Variants in NPAS2 observed in about 807,000 individuals in gnomAD.
The protein encoded by NPAS2 is neuronal PAS domain-containing protein 2.
NPAS2 carries 23 observed loss-of-function variants against 107.5 expected under a neutral mutation model. That is an observed-to-expected ratio of 0.21 (90% CI 0.15 to 0.30). The LOEUF (loss-of-function observed/expected upper bound fraction) is 0.30, where lower values mean the gene tolerates loss of function less well. Among genes scored for constraint, NPAS2 ranks in the 10% least tolerant of loss-of-function variants. The pLI is 1.00. For synonymous variants in NPAS2, 403 were observed against 417.5 expected (o/e 0.97, Z 0.42); for missense variants, 756 against 1,043.3 (o/e 0.72, Z 3.79).
intron 1 of NPAS2, among the ~76,000 whole-genome samples, chr2:100,864,937 T>TC (rs1447252446): frequency 2.0e-5 from 3 of 152,204 alleles, no homozygotes; most frequent in Admixed American, 1.3e-4. Flanking sequence ...TAACTACGTT[T>TC]CCCCAAACAG....
At chr2:100,875,557 G>A (rs1381184600) in intron 1 of NPAS2, among the ~76,000 whole-genome samples, 1 of 151,916 alleles carries the variant, frequency 6.6e-6, no homozygotes, top group East Asian at 1.9e-4. Context: ...GTTGGCATGA[G>A]ACAGTCGCTT....
At chr2:100,974,642 T>C (rs1279877318) in intron 12 of NPAS2, among the ~76,000 whole-genome samples, 161 bp from the exon 13 acceptor site, 3 of 152,244 alleles carry the variant, frequency 2.0e-5, no homozygotes, top group South Asian at 2.1e-4. Context: ...GTTACGTATA[T>C]GTATATACTC....
At chr2:100,876,102 G>A (rs1679950161) in intron 1 of NPAS2, among the ~76,000 whole-genome samples, 1 of 152,084 alleles carries the variant, frequency 6.6e-6, no homozygotes, top group South Asian at 2.1e-4. Context: ...GAGTAAATGA[G>A]AGCAGGCCTT....
chr2:100,909,202 T>C (rs1621293), intron 2 of NPAS2, among the ~76,000 whole-genome samples: 131,939 of 152,276 alleles, frequency 0.87, 57,304 homozygotes, highest in East Asian at 1. Context: ...CAAGTGGATG[T>C]TACAGATGAG....
chr2:100,847,555 A>G (rs1677856774), intron 1 of NPAS2, among the ~76,000 whole-genome samples: 1 of 152,168 alleles, frequency 6.6e-6, no homozygotes, highest in Admixed American at 6.5e-5. Flanking sequence ...TATTTTTAGT[A>G]GAGACGGGGT....
chr2:100,974,636 C>T (rs1049979541), intron 12 of NPAS2, among the ~76,000 whole-genome samples, 167 bp from the exon 13 acceptor site: 2 of 152,222 alleles, frequency 1.3e-5, no homozygotes, highest in Non-Finnish European at 2.9e-5. Context: ...CTTTAGGTTA[C>T]GTATATGTAT....
At chr2:100,987,081 C>G (rs568188941) in intron 16 of NPAS2, 3 of 152,218 alleles carry the variant, frequency 2.0e-5, no homozygotes, top group African/African-American at 7.2e-5. Context: ...GGATTACAGG[C>G]GTGCGCCACC....
chr2:100,937,913 G>C, intron 5 of NPAS2, 71 bp downstream of exon 5: 1 of 1,207,674 alleles, frequency 8.3e-7, no homozygotes, highest in Non-Finnish European at 1.2e-6. Context: ...TTAGATCTCA[G>C]ATGGAAGGTG....
chr2:100,854,415 G>A (rs917836126), intron 1 of NPAS2, among the ~76,000 whole-genome samples: 1 of 152,168 alleles, frequency 6.6e-6, no homozygotes, highest in East Asian at 1.9e-4. Flanking sequence ...GGGCCTCAGG[G>A]CATGGAACTA....
intron 1 of NPAS2, among the ~76,000 whole-genome samples, chr2:100,837,912 G>A (rs1677166153): frequency 6.6e-6 from 1 of 152,132 alleles, no homozygotes; most frequent in Non-Finnish European, 1.5e-5. Context: ...AGGTCAGGAA[G>A]CCAGCACCAT....
chr2:100,933,832 G>C (rs1684138991), intron 4 of NPAS2, among the ~76,000 whole-genome samples: 1 of 152,194 alleles, frequency 6.6e-6, no homozygotes, highest in Non-Finnish European at 1.5e-5. Context: ...AGGCAAACTG[G>C]GACAGATGAG....
At chr2:100,850,953 CAAAAAAAAA>C (rs148858541) in intron 1 of NPAS2, among the ~76,000 whole-genome samples, 8 of 41,866 alleles carry the variant, frequency 1.9e-4, no homozygotes, top group Non-Finnish European at 2.3e-4. Flanking sequence ...AACTCTGTCT[CAAAAAAAAA>C]AAAAAAAAAA....
chr2:100,912,372 C>T (rs1199954081), intron 2 of NPAS2, among the ~76,000 whole-genome samples: 1 of 152,086 alleles, frequency 6.6e-6, no homozygotes, highest in Non-Finnish European at 1.5e-5. Flanking sequence ...TAAGATATGC[C>T]AGAATTCCCC....
chr2:100,845,450 C>T (rs920651389), intron 1 of NPAS2, among the ~76,000 whole-genome samples: 8 of 152,134 alleles, frequency 5.3e-5, no homozygotes, highest in Non-Finnish European at 8.8e-5. Flanking sequence ...TCTCTCAGTG[C>T]CAATGTAGCA....
intron 1 of NPAS2, among the ~76,000 whole-genome samples, chr2:100,892,798 C>A (rs982647855): frequency 6.6e-6 from 1 of 152,110 alleles, no homozygotes; most frequent in Non-Finnish European, 1.5e-5. Context: ...CAGCTCGTTG[C>A]GGCCTTTGGC....
Position 100,990,536 on chromosome 2 carries a change from G to C in NPAS2, c.2018+90G>C, listed in dbSNP as rs114952983. 3,820 of 1,382,116 alleles carry C rather than the reference G, an allele frequency of 2.8e-3. 106 individuals carry two copies. The African/African-American group carries it at 0.048, about 17-fold the overall frequency. 85.6% of individuals were successfully genotyped at this position (1,382,116 alleles called of 1,614,324 possible). ...ACTTTCTGCTTTAGACGGAGGCAGA[G>C]TTCAGACAGATTCTAAAGTGTCCAC... is the stretch of plus-strand genomic sequence containing the variant. On this transcript the variant is annotated intron_variant, in intron 18 of 20. Coordinates refer to ENST00000335681, the MANE Select transcript of NPAS2 (RefSeq NM_002518.4).
Position 100,820,528 on chromosome 2 carries a change from G to A in NPAS2, c.-23+114G>A, listed in dbSNP as rs1165527088. The stretch of plus-strand genomic sequence containing the variant: ...GTGGAGGACGCGCGGGGGCGGAGGG[G>A]CGCTCAGGCGCGAGGCTGCGCGGCA... On this transcript the variant is annotated intron_variant, in intron 1 of 20. Transcript: ENST00000335681. This position sits in a 1 kb window ranked among gnomAD's most constrained non-coding sequence, Gnocchi z 5.6. 6.6e-6 allele frequency: 1 copy of A among 152,218 alleles called. No homozygotes were observed. Among genetic ancestry groups the A allele is most frequent in the Non-Finnish European group, 1.5e-5 (1 of 68,204 alleles). 9.4% of individuals were successfully genotyped at this position (152,218 alleles called of 1,614,324 possible). A position where few individuals can be genotyped will look rare whatever the true frequency, so the allele number is the denominator to read the frequency against.
Position 100,987,626 on chromosome 2 carries a change from C to T in NPAS2, c.1630-453C>T, listed in dbSNP as rs975187193. 4.3e-5 allele frequency: 7 copies of T among 162,170 alleles called. No homozygotes were observed. The South Asian group carries it at 7.3e-4, about 17-fold the overall frequency. 10.0% of individuals were successfully genotyped at this position (162,170 alleles called of 1,614,324 possible). On this transcript the variant is annotated intron_variant, in intron 16 of 20. Coordinates refer to ENST00000335681, the MANE Select transcript of NPAS2 (RefSeq NM_002518.4). ...GCAAACACAGAGCCTGGTCCTACTG[C>T]GAGGGCAATGTGGCCCATGCCACAG...
intron 12 of NPAS2, among the ~76,000 whole-genome samples, chr2:100,973,395 G>C (rs1558927209): frequency 6.6e-6 from 1 of 152,130 alleles, no homozygotes; most frequent in South Asian, 2.1e-4. Context: ...GCTTATTCTC[G>C]CTTCCTGGAC....
Sources: gnomAD v4.1 joint callset for allele counts (sites outside exome capture counted in the v4.1 genomes callset) on GRCh38, gnomAD v4.1.1 for gene constraint, Gnocchi (gnomAD v3.1) non-coding constraint, MANE v1.5 for transcripts, NCBI Gene and HGNC (gene_info 2026-07-23, HGNC 2026-07-21) for gene names.